The following MYO16 variants were observed in gnomAD, a reference collection of about 807,000 sequenced individuals.
MYO16 encodes the protein unconventional myosin-XVI.
MYO16 carries 94 observed loss-of-function variants against 205.3 expected under a neutral mutation model. That is an observed-to-expected ratio of 0.46 (90% CI 0.39 to 0.54). The LOEUF (loss-of-function observed/expected upper bound fraction) is 0.54. MYO16 is among the 20% of genes least tolerant of loss of function. The pLI is 0.00. For missense variants in MYO16, 2,315 were observed against 2,387.5 expected, an observed-to-expected ratio of 0.97 and a Z score of 0.63; for synonymous variants, 988 against 954.0, an observed-to-expected ratio of 1.04 and a Z score of -0.66.
Position 108,930,355 on chromosome 13 carries a change from C to T in MYO16, c.1925+20205C>T, listed in dbSNP as rs112003968. Among the ~76,000 whole-genome samples, 1,096 of 151,966 alleles carry T rather than the reference C, an allele frequency of 7.2e-3. 10 individuals are homozygous for T. The highest frequency in any genetic ancestry group is 0.024 in the African/African-American group (994 of 41,430). ...AAAAAATCCAGCATATCTATGACAC[C>T]ATGAAATGAAGAGATATATCAATAA... On this transcript the variant is annotated intron_variant, in intron 16 of 34. Coordinates refer to ENST00000457511, the MANE Select transcript of MYO16 (RefSeq NM_001198950.3).
intron 11 of MYO16, 40 bp from the exon 12 acceptor site, chr13:108,866,135 ATT>A: frequency 7.7e-7 from 1 of 1,303,726 alleles, no homozygotes; most frequent in Non-Finnish European, 1.1e-6. Flanking sequence ...TAAAGATGCT[ATT>A]TATATGACTC....
intron 9 of MYO16, among the ~76,000 whole-genome samples, chr13:108,840,440 C>A (rs1566362385): frequency 1.3e-5 from 2 of 152,134 alleles, no homozygotes; most frequent in Admixed American, 6.5e-5. Flanking sequence ...TCAATTTACT[C>A]TCTTCTTGCT....
chr13:108,915,475 C>T (rs1327728409), intron 16 of MYO16, among the ~76,000 whole-genome samples: 1 of 152,188 alleles, frequency 6.6e-6, no homozygotes, highest in African/African-American at 2.4e-5. Flanking sequence ...CCTATATTGA[C>T]TGCTTCCCCC....
intron 10 of MYO16, chr13:108,855,169 T>C (rs1449124557): frequency 1.3e-5 from 4 of 304,518 alleles, no homozygotes; most frequent in Non-Finnish European, 1.8e-5. Context: ...GCTGAACTCA[T>C]CTTGACAGAC....
chr13:109,188,813 G>T (rs1230607766), intron 34 of MYO16, among the ~76,000 whole-genome samples: 2 of 152,184 alleles, frequency 1.3e-5, no homozygotes, highest in African/African-American at 4.8e-5. Flanking sequence ...AGGAAGCAGG[G>T]CCAGGCGCAG....
chr13:109,082,205 C>G (rs901260478), intron 27 of MYO16, among the ~76,000 whole-genome samples: 12 of 152,168 alleles, frequency 7.9e-5, no homozygotes, highest in Admixed American at 3.9e-4. Context: ...TACCTAGTCT[C>G]TATTCACTGA....
At chr13:108,954,777 G>T (rs753250817) in intron 16 of MYO16, among the ~76,000 whole-genome samples, 1 of 152,124 alleles carries the variant, frequency 6.6e-6, no homozygotes, top group South Asian at 2.1e-4. Flanking sequence ...ATTGCTAAAG[G>T]TTTATAGATT....
chr13:108,870,990 G>A (rs1423147589), intron 12 of MYO16, among the ~76,000 whole-genome samples: 1 of 151,990 alleles, frequency 6.6e-6, no homozygotes. Flanking sequence ...AAATATATAT[G>A]TATATATGTA....
At chr13:108,708,531 T>C (rs2139538295) in intron 2 of MYO16, among the ~76,000 whole-genome samples, 1 of 152,352 alleles carries the variant, frequency 6.6e-6, no homozygotes, top group African/African-American at 2.4e-5. Flanking sequence ...GGTTTACCAA[T>C]TGCTAACTTC....
intron 9 of MYO16, among the ~76,000 whole-genome samples, chr13:108,825,500 G>A (rs913161155): frequency 6.6e-6 from 1 of 151,818 alleles, no homozygotes; most frequent in African/African-American, 2.4e-5. Flanking sequence ...CATAAGATGA[G>A]GACAAAGGCA....
chr13:108,612,021 G>A (rs991658248), intron 1 of MYO16, among the ~76,000 whole-genome samples: 1 of 143,462 alleles, frequency 7.0e-6, no homozygotes, highest in African/African-American at 2.6e-5. Flanking sequence ...TGTCGCCCAG[G>A]CTGGAAGGCA....
chr13:109,030,076 C>A (rs1886500203), intron 23 of MYO16, among the ~76,000 whole-genome samples: 1 of 151,282 alleles, frequency 6.6e-6, no homozygotes, highest in South Asian at 2.1e-4. Context: ...TTCTAGATAT[C>A]TAGATGGGAC....
intron 33 of MYO16, among the ~76,000 whole-genome samples, chr13:109,175,339 T>C (rs1265039916): frequency 6.6e-6 from 1 of 152,152 alleles, no homozygotes; most frequent in African/African-American, 2.4e-5. Flanking sequence ...CAAAGCCTTT[T>C]CGACTTTTGC....
chr13:108,630,009 A>G, intron 1 of MYO16, 137 bp downstream of exon 1: 2 of 617,214 alleles, frequency 3.2e-6, no homozygotes, highest in Non-Finnish European at 5.4e-6. Flanking sequence ...TTAGAAGAAT[A>G]TTTTACAGGC....
chr13:108,837,567 C>T (rs540393635), intron 9 of MYO16, among the ~76,000 whole-genome samples: 1 of 152,244 alleles, frequency 6.6e-6, no homozygotes, highest in Admixed American at 6.5e-5. Flanking sequence ...TTAGATATTA[C>T]CTAGTTTAAC....
At chr13:109,206,105 C>G (rs547825154) in intron 34 of MYO16, among the ~76,000 whole-genome samples, 1 of 151,742 alleles carries the variant, frequency 6.6e-6, no homozygotes, top group East Asian at 1.9e-4. Flanking sequence ...GAGTAGGGGT[C>G]CATCTTTGGG....
rs188032476 is a variant in MYO16 at position 108,948,287 on chromosome 13, G to A, written c.1926-9401G>A. 6.8e-3 allele frequency among the ~76,000 whole-genome samples: 1,033 copies of A among 152,260 alleles called. 36 individuals carry two copies. Among genetic ancestry groups the A allele is most frequent in the Non-Finnish European group, 1.5e-3 (105 of 68,026 alleles). The stretch of plus-strand genomic sequence containing the variant: ...ATCACCAAGTAAAAAATAGCTCTGC[G>A]CACAATAGAGAAGACACTGTTCCTT... On this transcript the variant is annotated intron_variant, in intron 16 of 34. Coordinates refer to ENST00000457511, the MANE Select transcript of MYO16 (RefSeq NM_001198950.3).
intron 7 of MYO16, among the ~76,000 whole-genome samples, chr13:108,815,321 T>G (rs1875512189): frequency 6.6e-6 from 1 of 152,176 alleles, no homozygotes; most frequent in South Asian, 2.1e-4. Flanking sequence ...AACTTTGCAT[T>G]GTAACTAAGC....
In MYO16 at chr13:108,666,248, G is replaced by A. The variant is rs1222667464; in HGVS notation, c.292+99G>A. The A allele has an allele frequency of 2.2e-6, 3 of 1,339,054 alleles. No homozygotes were observed. The East Asian group carries it at 7.6e-5, about 34-fold the overall frequency. The allele number at this position is 1,339,054 out of a possible 1,614,324, so 82.9% of individuals were successfully genotyped here. Reference sequence around the variant, plus strand: ...TTTGATGGAGAGATGGGGCAGAAAAGTCCTTTTAAATATTGGAGGCTACTA... The same window carrying A: ...TTTGATGGAGAGATGGGGCAGAAAAATCCTTTTAAATATTGGAGGCTACTA... On this transcript the variant is annotated intron_variant, in intron 2 of 34. Transcript: ENST00000457511.
Sources: allele counts gnomAD v4.1 joint callset (sites outside exome capture counted in the v4.1 genomes callset), GRCh38; gene constraint gnomAD v4.1.1; transcripts MANE v1.5; gene names NCBI Gene and HGNC (gene_info 2026-07-23, HGNC 2026-07-21).